The following RAD50 variants were observed in gnomAD, a reference collection of about 807,000 sequenced individuals.
The protein encoded by RAD50 is DNA repair protein RAD50.
RAD50 carries 132 observed loss-of-function variants against 168.8 expected under a neutral mutation model. The ratio of observed to expected loss-of-function variants is 0.78; its 90% CI spans 0.68 to 0.90. The LOEUF (loss-of-function observed/expected upper bound fraction) is 0.90, where lower values mean the gene tolerates loss of function less well. Among genes scored for constraint, RAD50 ranks in the 40% least tolerant of loss-of-function variants. The pLI, the probability that RAD50 is intolerant of heterozygous loss-of-function variation, is 0.00. For synonymous variants in RAD50, 525 were observed against 497.4 expected (o/e 1.06, Z -0.74); for missense variants, 1,347 against 1,534.4 (o/e 0.88, Z 2.04).
intron 6 of RAD50, 41 bp from the exon 7 acceptor site, chr5:132,587,883 T>C (rs1420645150): frequency 6.3e-7 from 1 of 1,594,642 alleles, no homozygotes; most frequent in Non-Finnish European, 8.6e-7. Context: ...CATATTTTCT[T>C]ATGTTTGTAC....
At position 132,642,335 on chromosome 5, in the gene RAD50, G is replaced by A. The variant is rs1581025217; in HGVS notation, c.3910G>A (p.Val1304Ile). 1 of 1,614,002 alleles carries A rather than the reference G, an allele frequency of 6.2e-7. No homozygotes were observed. The change falls in exon 25 of 25, where the codon GTT becomes ATT. Residue 1304 changes from valine to isoleucine, a missense_variant. By Grantham distance (29) the Val-to-Ile change is conservative (BLOSUM62 3). This residue lies in a region of RAD50 where 635 missense variants were observed against 739.2 expected (regional missense o/e 0.86). Coordinates refer to ENST00000378823, the MANE Select transcript of RAD50 (RefSeq NM_005732.4). ...DQCSEIVKCS[V>I]SSLGFNVH ...GTGCTCAGAGATTGTGAAATGCAGT[G>A]TTAGCTCCCTGGGATTCAATGTTCA...
At chr5:132,629,289 G>A (rs528555104) in intron 21 of RAD50, among the ~76,000 whole-genome samples, 222 of 152,334 alleles carry the variant, frequency 1.5e-3, no homozygotes, top group African/African-American at 5.3e-3. Flanking sequence ...ACTGCTGACA[G>A]TCTGTCTGAT....
intron 20 of RAD50, among the ~76,000 whole-genome samples, chr5:132,617,061 T>C (rs1232617737): frequency 6.6e-6 from 1 of 152,206 alleles, no homozygotes; most frequent in Non-Finnish European, 1.5e-5. Flanking sequence ...GTATGCATTA[T>C]GCACACTTAG....
chr5:132,630,013 C>T (rs930730842), intron 21 of RAD50, among the ~76,000 whole-genome samples: 7 of 151,690 alleles, frequency 4.6e-5, no homozygotes, highest in Admixed American at 4.6e-4. Context: ...CATTTTTCCC[C>T]AGATGTGGAA....
chr5:132,643,266 G>A lies in RAD50; in HGVS notation c.*902G>A, dbSNP rs1751774468. 5 of 263,882 alleles carry A rather than the reference G, an allele frequency of 1.9e-5. No individual in the cohort carries two copies. The East Asian group carries it at 2.5e-4, about 13-fold the overall frequency. 16.3% of individuals were successfully genotyped at this position (263,882 alleles called of 1,614,324 possible). A position where few individuals can be genotyped will look rare whatever the true frequency, so the allele number is the denominator to read the frequency against. ...TCCCTGTAGGGTCCAACCAGACCTG[G>A]AAGAACAGGCCTCTCCATTTGCTCT... On this transcript the variant is annotated 3_prime_UTR_variant, in exon 25 of 25. Transcript: ENST00000378823.
intron 2 of RAD50, among the ~76,000 whole-genome samples, chr5:132,574,677 C>G (rs1312401841): frequency 6.6e-6 from 1 of 152,008 alleles, no homozygotes; most frequent in Admixed American, 6.5e-5. Context: ...ATGCTGTTTC[C>G]CTTTTAATAC....
chr5:132,604,903 A>G lies in RAD50; in HGVS notation c.2622A>G (p.Lys874=), dbSNP rs2149847778. 3 of 1,613,444 alleles carry G rather than the reference A, an allele frequency of 1.9e-6. No individual in the cohort carries two copies. The highest frequency in any genetic ancestry group is 2.5e-6 in the Non-Finnish European group (3 of 1,179,374). ...KSTTNELKSE[K]LQISTNLQRR... is the part of the protein sequence containing the mutation. Reference sequence around the variant, plus strand: ...CAACAAATGAGCTAAAATCTGAGAAACTTCAGATATCCACTAATTTGCAAC... The same window carrying G: ...CAACAAATGAGCTAAAATCTGAGAAGCTTCAGATATCCACTAATTTGCAAC... Residue 874 remains lysine, a synonymous_variant, in exon 16 of 25, where the codon AAA becomes AAG. Transcript: ENST00000378823.
rs972206641 is a variant in RAD50 at position 132,605,016 on chromosome 5, A to G, written c.2718+17A>G. The G allele has an allele frequency of 1.4e-5, 21 of 1,502,108 alleles. No homozygotes were observed. Among genetic ancestry groups the G allele is most frequent in the South Asian group, 2.6e-5 (2 of 77,244 alleles). 93.0% of individuals were successfully genotyped at this position (1,502,108 alleles called of 1,614,324 possible). On this transcript the variant is annotated intron_variant, in intron 16 of 24. Transcript: ENST00000378823. ...GAGATAAAGGTAAGAATATCCATACATGTTTTTTGTAAAATTATTTTAATT... is the reference window on the plus strand; with the variant it reads ...GAGATAAAGGTAAGAATATCCATACGTGTTTTTTGTAAAATTATTTTAATT...
intron 6 of RAD50, 88 bp downstream of exon 6, chr5:132,587,778 G>GA: frequency 1.3e-6 from 2 of 1,580,214 alleles, no homozygotes; most frequent in Admixed American, 3.4e-5. Context: ...ATCCACATTG[G>GA]AAAAAAACAA....
intron 2 of RAD50, among the ~76,000 whole-genome samples, chr5:132,564,288 T>C (rs551082946): frequency 6.6e-6 from 1 of 152,284 alleles, no homozygotes; most frequent in African/African-American, 2.4e-5. Context: ...CTGACAGTGA[T>C]ATGAATAATG....
At chr5:132,592,545 G>A (rs1750721924) in intron 11 of RAD50, among the ~76,000 whole-genome samples, 1 of 152,088 alleles carries the variant, frequency 6.6e-6, no homozygotes, top group African/African-American at 2.4e-5. Flanking sequence ...AGCTTTCCTG[G>A]GCATTTTTCT....
chr5:132,613,892 C>T (rs889098134), intron 19 of RAD50, among the ~76,000 whole-genome samples: 3 of 152,110 alleles, frequency 2.0e-5, no homozygotes, highest in East Asian at 1.9e-4. Context: ...CCACCACGCC[C>T]GGCCACACAA....
chr5:132,572,227 T>C (rs1466491375), intron 2 of RAD50, among the ~76,000 whole-genome samples: 1 of 152,196 alleles, frequency 6.6e-6, no homozygotes, highest in African/African-American at 2.4e-5. Context: ...AGTTATTCAT[T>C]CCTGATTAAT....
chr5:132,605,000 G>A lies in RAD50; in HGVS notation c.2718+1G>A, dbSNP rs556830991. ...TCAGTCTTTGTACAGAGAGATAAAG[G>A]TAAGAATATCCATACATGTTTTTTG... On this transcript the variant is annotated splice_donor_variant, in intron 16 of 24. Transcript: ENST00000378823. LOFTEE classifies it high-confidence loss of function. The A allele has an allele frequency of 6.3e-7, 1 of 1,589,992 alleles. No homozygotes were observed. The highest frequency in any genetic ancestry group is 1.3e-5 in the African/African-American group (1 of 74,426).
chr5:132,605,022 T>C, intron 16 of RAD50, 23 bp downstream of exon 16: 1 of 1,477,284 alleles, frequency 6.8e-7, no homozygotes, highest in Non-Finnish European at 9.2e-7. Flanking sequence ...ATACATGTTT[T>C]TTGTAAAATT....
At position 132,590,459 on chromosome 5, in the gene RAD50, G is replaced by A. The variant is rs528424910; in HGVS notation, c.1452+622G>A. ...CTCTCCAGCCTGGGTGACAGAGTGG[G>A]ACTCCATCTCAAAAAAAAGAAAAAG... On this transcript the variant is annotated intron_variant, in intron 9 of 24. Transcript: ENST00000378823. Among the ~76,000 whole-genome samples, 6 of 152,146 alleles carry A rather than the reference G, an allele frequency of 3.9e-5. No homozygotes were observed. The East Asian group carries it at 1.2e-3, about 29-fold the overall frequency.
intron 21 of RAD50, among the ~76,000 whole-genome samples, chr5:132,629,882 G>A (rs1256267532): frequency 6.6e-6 from 1 of 151,916 alleles, no homozygotes; most frequent in Non-Finnish European, 1.5e-5. Context: ...ATGAAAAGGG[G>A]GAAATTATCC....
At chr5:132,577,509 C>CT (rs1561635055) in intron 3 of RAD50, among the ~76,000 whole-genome samples, 1 of 152,182 alleles carries the variant, frequency 6.6e-6, no homozygotes, top group African/African-American at 2.4e-5. Flanking sequence ...TAGTTTATTA[C>CT]TTTTTATTTG....
Position 132,604,898 on chromosome 5 carries a change from G to A in RAD50, c.2617G>A (p.Glu873Lys), listed in dbSNP as rs786203585. 6.2e-7 allele frequency: 1 copy of A among 1,613,786 alleles called. No homozygotes were observed. The highest frequency in any genetic ancestry group is 1.1e-5 in the South Asian group (1 of 91,056). ...LKSTTNELKS[E>K]KLQISTNLQR... ...AAGTACAACAAATGAGCTAAAATCT[G>A]AGAAACTTCAGATATCCACTAATTT... The change falls in exon 16 of 25, where the codon GAG becomes AAG. Residue 873 changes from glutamate to lysine, a missense_variant. Transcript: ENST00000378823.
Sources: allele counts gnomAD v4.1 joint callset (sites outside exome capture counted in the v4.1 genomes callset), GRCh38; gene constraint gnomAD v4.1.1; regional missense constraint gnomAD v4.1.1; transcripts MANE v1.5; gene names NCBI Gene and HGNC (gene_info 2026-07-23, HGNC 2026-07-21).